The following NPY variants were observed in gnomAD, a reference collection of about 807,000 sequenced individuals.
The protein encoded by NPY is pro-neuropeptide Y.
In NPY, 11 loss-of-function variants were observed where a neutral mutation model predicts 13.2. The ratio of observed to expected loss-of-function variants is 0.83; its 90% confidence interval spans 0.52 to 1.38. The LOEUF (loss-of-function observed/expected upper bound fraction) is 1.38, where lower values mean the gene tolerates loss of function less well. Among genes scored for constraint, NPY ranks in the 40% most tolerant of loss-of-function variants. The pLI is 0.00. For synonymous variants in NPY, 51 were observed against 55.6 expected (o/e 0.92, Z 0.37); for missense variants, 109 against 125.1 (o/e 0.87, Z 0.61).
intron 1 of NPY, 46 bp downstream of exon 1, chr7:24,284,321 G>T (rs533901841): frequency 6.5e-6 from 1 of 152,712 alleles, no homozygotes; most frequent in East Asian, 1.9e-4. Flanking sequence ...CGAACGGGGC[G>T]CCCGCGAACT....
chr7:24,288,610 T>C (rs964348060), intron 2 of NPY, among the ~76,000 whole-genome samples: 5 of 143,582 alleles, frequency 3.5e-5, no homozygotes, highest in Non-Finnish European at 6.0e-5. Flanking sequence ...TGTTCTGGAG[T>C]GGGGAGCATA....
chr7:24,285,006 C>T lies in NPY; in HGVS notation c.1-235C>T, dbSNP rs1243498900. The T allele has an allele frequency of 1.7e-6, 1 of 578,750 alleles. No individual in the cohort carries two copies. The highest frequency in any genetic ancestry group is 3.1e-6 in the Non-Finnish European group (1 of 324,240). 35.9% of individuals were successfully genotyped at this position (578,750 alleles called of 1,614,324 possible). A position where few individuals can be genotyped will look rare whatever the true frequency, so the allele number is the denominator to read the frequency against. The stretch of plus-strand genomic sequence containing the variant: ...GCTTCTTGGTCCCTGAGACTTCGAA[C>T]GAAGTTGCGCGAAGTTTTCAGGTGG... On this transcript the variant is annotated intron_variant, in intron 1 of 3. Coordinates refer to ENST00000242152, the MANE Select transcript of NPY (RefSeq NM_000905.4). This position sits in a 1 kb window ranked among gnomAD's most constrained non-coding sequence, Gnocchi z 4.9.
intron 3 of NPY, 24 bp downstream of exon 3, chr7:24,289,603 A>AGCT: frequency 6.3e-7 from 1 of 1,592,072 alleles, no homozygotes; most frequent in Non-Finnish European, 8.6e-7. Context: ...TGTGATGGGG[A>AGCT]CATTGTTGCA....
intron 2 of NPY, among the ~76,000 whole-genome samples, chr7:24,287,203 G>A (rs1787423552): frequency 6.6e-6 from 1 of 152,166 alleles, no homozygotes; most frequent in Admixed American, 6.5e-5. Flanking sequence ...AAAGGGACTT[G>A]GGTTTCATGG....
rs1014683362 is a variant in NPY at position 24,288,278 on chromosome 7, C to T, written c.189-1221C>T. 1.1e-4 allele frequency among the ~76,000 whole-genome samples: 17 copies of T among 152,246 alleles called. No homozygotes were observed. In the East Asian group the frequency reaches 2.1e-3, roughly 19 times the overall value. On this transcript the variant is annotated intron_variant, in intron 2 of 3. Transcript: ENST00000242152. ...TAAGCAGACACCTATAGTCTAATAT[C>T]GCAACTCCAGAAAATCTTTGAGAAA...
Position 24,285,383 on chromosome 7 carries a change from A to T in NPY, c.143A>T (p.Tyr48Phe), listed in dbSNP as rs753592250. The change falls in exon 2 of 4, where the codon TAC becomes TTC. Residue 48 changes from tyrosine (Y) to phenylalanine (F), a missense_variant. Tyr to Phe is a conservative substitution (Grantham distance 22, BLOSUM62 3). Transcript: ENST00000242152. The surrounding 1 kb of genome is among the most constrained non-coding windows in gnomAD (Gnocchi z 4.9). ...GCACCAGCGGAGGACATGGCCAGAT[A>T]CTACTCGGCGCTGCGACACTACATC... ...EDAPAEDMAR[Y>F]YSALRHYINL... The T allele has an allele frequency of 6.2e-7, 1 of 1,613,858 alleles. No homozygotes were observed. Among genetic ancestry groups the T allele is most frequent in the Non-Finnish European group, 8.5e-7 (1 of 1,180,012 alleles).
At chr7:24,287,586 C>T (rs150431781) in intron 2 of NPY, among the ~76,000 whole-genome samples, 118 of 151,918 alleles carry the variant, frequency 7.8e-4, no homozygotes, top group Non-Finnish European at 8.1e-4. Flanking sequence ...TTTATATAGC[C>T]CCCTAAATCA....
chr7:24,285,471 G>A lies in NPY; in HGVS notation c.188+43G>A. ...ACCGATTCCGGGAGCGCCAGTGCCT[G>A]CACACCAGGAGATCCTGGGGATGTT... is the stretch of plus-strand genomic sequence containing the variant. On this transcript the variant is annotated intron_variant, in intron 2 of 3. Coordinates refer to ENST00000242152, the MANE Select transcript of NPY (RefSeq NM_000905.4). The surrounding 1 kb of genome is among the most constrained non-coding windows in gnomAD (Gnocchi z 4.9). 2 of 1,578,944 alleles carry A rather than the reference G, an allele frequency of 1.3e-6. No homozygotes were observed. Among genetic ancestry groups the A allele is most frequent in the Non-Finnish European group, 1.7e-6 (2 of 1,153,998 alleles).
At chr7:24,290,602 A>T (rs1461751896) in intron 3 of NPY, among the ~76,000 whole-genome samples, 1 of 151,956 alleles carries the variant, frequency 6.6e-6, no homozygotes, top group Non-Finnish European at 1.5e-5. Context: ...GAAGGGTGTT[A>T]GTATAGAGTT....
Position 24,285,931 on chromosome 7 carries a change from G to A in NPY, c.188+503G>A, listed in dbSNP as rs1015930330. Among the ~76,000 whole-genome samples, 5 of 152,190 alleles carry A rather than the reference G, an allele frequency of 3.3e-5. No individual in the cohort carries two copies. The highest frequency in any genetic ancestry group is 7.3e-5 in the Non-Finnish European group (5 of 68,028). On this transcript the variant is annotated intron_variant, in intron 2 of 3. Coordinates refer to ENST00000242152, the MANE Select transcript of NPY (RefSeq NM_000905.4). This position sits in a 1 kb window ranked among gnomAD's most constrained non-coding sequence, Gnocchi z 4.9. ...CCTGCCCAGGGCTAATTGAATGACA[G>A]TATTTAGAAAAAGACAAATAGAGCT...
At position 24,285,003 on chromosome 7, in the gene NPY, G is replaced by C. The variant is rs908301698; in HGVS notation, c.1-238G>C. The C allele has an allele frequency of 1.7e-6, 1 of 577,228 alleles. No homozygotes were observed. The highest frequency in any genetic ancestry group is 3.1e-5 in the Admixed American group (1 of 32,496). 35.8% of individuals were successfully genotyped at this position (577,228 alleles called of 1,614,324 possible). On this transcript the variant is annotated intron_variant, in intron 1 of 3. Transcript: ENST00000242152. The surrounding 1 kb of genome is among the most constrained non-coding windows in gnomAD (Gnocchi z 4.9). ...CGCGCTTCTTGGTCCCTGAGACTTC[G>C]AACGAAGTTGCGCGAAGTTTTCAGG...
Position 24,291,849 on chromosome 7 carries a change from T to C in NPY, c.*162T>C. The C allele has an allele frequency of 1.5e-6, 1 of 687,358 alleles. No individual in the cohort carries two copies. The allele number at this position is 687,358 out of a possible 1,614,324, so 42.6% of individuals were successfully genotyped here. A position where few individuals can be genotyped will look rare whatever the true frequency, so the allele number is the denominator to read the frequency against. On this transcript the variant is annotated 3_prime_UTR_variant, in exon 4 of 4. Transcript: ENST00000242152. The stretch of plus-strand genomic sequence containing the variant: ...TATATATGTGTGTTTAAATAAAGTA[T>C]CATGCATTCAAAAGTGTATCCTCCT...
intron 2 of NPY, among the ~76,000 whole-genome samples, chr7:24,289,220 A>AG (rs1261083925): frequency 6.6e-6 from 1 of 152,210 alleles, no homozygotes; most frequent in Non-Finnish European, 1.5e-5. Flanking sequence ...TGGTTGTTTA[A>AG]GAAGGCAGGA....
intron 2 of NPY, among the ~76,000 whole-genome samples, chr7:24,286,806 G>A (rs1172138641): frequency 7.2e-5 from 11 of 152,188 alleles, no homozygotes; most frequent in East Asian, 3.9e-4. Flanking sequence ...ATGTTATGCC[G>A]TCATGCAGAT....
Position 24,285,510 on chromosome 7 carries a change from G to T in NPY, c.188+82G>T. The stretch of plus-strand genomic sequence containing the variant: ...CCTGGGGATGTTAGGGAAAGGGATT[G>T]TTTCTTTTCCTTCGCTCTATCCCAG... On this transcript the variant is annotated intron_variant, in intron 2 of 3. Transcript: ENST00000242152. The surrounding 1 kb of genome is among the most constrained non-coding windows in gnomAD (Gnocchi z 4.9). 7.1e-7 allele frequency: 1 copy of T among 1,404,624 alleles called. No homozygotes were observed. Among genetic ancestry groups the T allele is most frequent in the Non-Finnish European group, 9.8e-7 (1 of 1,024,316 alleles). 87.0% of individuals were successfully genotyped at this position (1,404,624 alleles called of 1,614,324 possible).
chr7:24,288,525 G>A (rs1228427602), intron 2 of NPY, among the ~76,000 whole-genome samples: 1 of 152,052 alleles, frequency 6.6e-6, no homozygotes, highest in East Asian at 1.9e-4. Context: ...GGTGTCCAAT[G>A]CCTTTTCTGA....
intron 2 of NPY, among the ~76,000 whole-genome samples, chr7:24,286,417 A>C (rs1023696180): frequency 2.0e-5 from 3 of 152,186 alleles, no homozygotes; most frequent in African/African-American, 4.8e-5. Context: ...TCTAAAGGAT[A>C]AGCCCTTTAG....
rs1292808992 is a variant in NPY, at chr7:24,287,244, G to A, written c.188+1816G>A. On this transcript the variant is annotated intron_variant, in intron 2 of 3. Coordinates refer to ENST00000242152, the MANE Select transcript of NPY (RefSeq NM_000905.4). ...GATTCAGCTTAGATGGGAATGAGCTGGTCTCTGAGGCAGAGTTTCCTGTCT... is the reference window on the plus strand; with the variant it reads ...GATTCAGCTTAGATGGGAATGAGCTAGTCTCTGAGGCAGAGTTTCCTGTCT... Among the ~76,000 whole-genome samples, 3 of 152,120 alleles carry A rather than the reference G, an allele frequency of 2.0e-5. No homozygotes were observed. In the East Asian group the frequency reaches 5.8e-4, roughly 29 times the overall value.
At position 24,291,740 on chromosome 7, in the gene NPY, T is replaced by C; in HGVS notation, c.*53T>C. On this transcript the variant is annotated 3_prime_UTR_variant, in exon 4 of 4. Transcript: ENST00000242152. ...TTTCCTATTTTCAGCCCATATTTCA[T>C]CGTGTAAAACGAGAATCCACCCATC... 1 of 1,610,090 alleles carries C rather than the reference T, an allele frequency of 6.2e-7. No individual in the cohort carries two copies. Among genetic ancestry groups the C allele is most frequent in the Non-Finnish European group, 8.5e-7 (1 of 1,176,618 alleles).
Sources: allele counts gnomAD v4.1 joint callset (sites outside exome capture counted in the v4.1 genomes callset), GRCh38; gene constraint gnomAD v4.1.1; non-coding constraint Gnocchi (gnomAD v3.1); transcripts MANE v1.5; gene names NCBI Gene and HGNC (gene_info 2026-07-23, HGNC 2026-07-21).